Variants in GALNT13 observed in about 807,000 individuals in gnomAD.
The protein encoded by GALNT13 is polypeptide N-acetylgalactosaminyltransferase 13, also known as UDP-GalNAc:polypeptide N-acetylgalactosaminyltransferase 13.
Under a neutral mutation model 64.2 loss-of-function variants are expected in GALNT13, and 28 were observed. The observed-to-expected ratio is 0.44, with a 90% CI of 0.32 to 0.60. The LOEUF is 0.60. Ranked by LOEUF, GALNT13 falls within the 20% of genes least tolerant of loss-of-function variation. The pLI, the probability that GALNT13 is intolerant of heterozygous loss-of-function variation, is 0.05. For missense variants in GALNT13, 577 were observed against 669.8 expected (o/e 0.86, Z 1.53); for synonymous variants, 214 against 224.6 (o/e 0.95, Z 0.42).
At chr2:154,432,296 C>A (rs552458298) in intron 11 of GALNT13, among the ~76,000 whole-genome samples, 1 of 152,196 alleles carries the variant, frequency 6.6e-6, no homozygotes, top group South Asian at 2.1e-4. Context: ...TACCAAGATA[C>A]AATAAATGTG....
chr2:153,536,509 A>G, the GALNT13 span, among the ~76,000 whole-genome samples: 1 of 152,044 alleles, frequency 6.6e-6, no homozygotes, highest in Admixed American at 6.6e-5. Context: ...AGATGAAGTG[A>G]TGACTTGTAA....
chr2:154,129,633 A>G (rs1682497084), intron 3 of GALNT13, among the ~76,000 whole-genome samples: 2 of 151,128 alleles, frequency 1.3e-5, no homozygotes. Context: ...TTATATCCTT[A>G]TATATTATAT....
the GALNT13 span, chr2:153,593,438 G>T: frequency 2.0e-5 from 3 of 152,226 alleles, no homozygotes; most frequent in Admixed American, 2.0e-4. Flanking sequence ...CATTCAAGTA[G>T]CGTGTGAGCT....
chr2:154,210,029 C>A (rs1687678146), intron 4 of GALNT13, among the ~76,000 whole-genome samples: 1 of 152,136 alleles, frequency 6.6e-6, no homozygotes, highest in Non-Finnish European at 1.5e-5. Context: ...CCTCTGGAAA[C>A]CACTGTTCTC....
the GALNT13 span, among the ~76,000 whole-genome samples, chr2:153,253,839 A>C: frequency 1.3e-5 from 2 of 152,104 alleles, no homozygotes; most frequent in East Asian, 1.9e-4. Context: ...ATGGTGGATA[A>C]GTTTTTGATG....
the GALNT13 span, chr2:153,478,778 A>G: frequency 1.7e-4 from 88 of 522,318 alleles, no homozygotes; most frequent in Admixed American, 3.8e-4. Flanking sequence ...CGTCCGCTCC[A>G]GCCCTGGTGG....
At chr2:153,809,924 T>A in the GALNT13 span, among the ~76,000 whole-genome samples, 1 of 152,244 alleles carries the variant, frequency 6.6e-6, no homozygotes, top group East Asian at 1.9e-4. Context: ...TTGTTGCCAT[T>A]AACATATAAA....
intron 3 of GALNT13, among the ~76,000 whole-genome samples, chr2:154,030,085 C>G (rs1285403684): frequency 6.6e-6 from 1 of 151,460 alleles, no homozygotes; most frequent in Non-Finnish European, 1.5e-5. Context: ...AGAACAGGAC[C>G]AAAGAAATAT....
intron 9 of GALNT13, among the ~76,000 whole-genome samples, chr2:154,368,197 C>T (rs542016074): frequency 2.6e-5 from 4 of 152,168 alleles, no homozygotes; most frequent in East Asian, 1.9e-4. Flanking sequence ...GACAAAAAGG[C>T]AGTTTCACAG....
At chr2:153,499,373 G>A in the GALNT13 span, among the ~76,000 whole-genome samples, 3 of 152,180 alleles carry the variant, frequency 2.0e-5, no homozygotes, top group Non-Finnish European at 2.9e-5. Flanking sequence ...TGGTTCATGA[G>A]TGGACATGGG....
At chr2:153,878,633 G>A (rs1686560184) in intron 1 of GALNT13, among the ~76,000 whole-genome samples, 1 of 152,138 alleles carries the variant, frequency 6.6e-6, no homozygotes, top group Non-Finnish European at 1.5e-5. Context: ...GCCACTCTGT[G>A]TCCTGGGATT....
At chr2:153,584,545 T>A in the GALNT13 span, among the ~76,000 whole-genome samples, 3 of 152,158 alleles carry the variant, frequency 2.0e-5, no homozygotes, top group African/African-American at 7.2e-5. Flanking sequence ...CCATTCCCCA[T>A]ACCACCCTGA....
At chr2:153,643,933 G>A in the GALNT13 span, among the ~76,000 whole-genome samples, 3 of 151,776 alleles carry the variant, frequency 2.0e-5, no homozygotes, top group African/African-American at 4.8e-5. Context: ...ACTTCATAAC[G>A]AATAACAAGA....
the GALNT13 span, among the ~76,000 whole-genome samples, chr2:153,512,936 A>G: frequency 1.3e-5 from 2 of 152,316 alleles, no homozygotes; most frequent in South Asian, 2.1e-4. Context: ...CTGTAGCATC[A>G]GTTCCCTGTA....
the GALNT13 span, among the ~76,000 whole-genome samples, chr2:153,135,377 G>A: frequency 6.6e-6 from 1 of 152,090 alleles, no homozygotes; most frequent in African/African-American, 2.4e-5. Context: ...GAATGACCAG[G>A]AATAACCAAG....
At chr2:153,957,275 G>C (rs1003648373) in intron 3 of GALNT13, among the ~76,000 whole-genome samples, 2 of 152,188 alleles carry the variant, frequency 1.3e-5, no homozygotes, top group Non-Finnish European at 2.9e-5. Flanking sequence ...GGAAGAGGCA[G>C]GGAAAGGGAT....
At chr2:153,908,215 T>C (rs1688711902) in intron 2 of GALNT13, among the ~76,000 whole-genome samples, 1 of 152,132 alleles carries the variant, frequency 6.6e-6, no homozygotes, top group African/African-American at 2.4e-5. Context: ...TGTTGGTTCA[T>C]GTCCTCCGCC....
intron 4 of GALNT13, among the ~76,000 whole-genome samples, chr2:154,161,161 G>T (rs567000347): frequency 6.6e-6 from 1 of 152,138 alleles, no homozygotes; most frequent in African/African-American, 2.4e-5. Context: ...ATATGCATGC[G>T]ATAAGGAGGA....
the GALNT13 span, among the ~76,000 whole-genome samples, chr2:153,109,999 A>C: frequency 2.0e-5 from 3 of 152,098 alleles, no homozygotes; most frequent in African/African-American, 7.2e-5. Flanking sequence ...TTTGGGGTTA[A>C]ATGTACATCT....
Sources: allele counts gnomAD v4.1 joint callset (sites outside exome capture counted in the v4.1 genomes callset), GRCh38; gene constraint gnomAD v4.1.1; transcripts MANE v1.5; gene names NCBI Gene and HGNC (gene_info 2026-07-23, HGNC 2026-07-21).